The following ANGEL1 variants were observed in gnomAD, a reference collection of about 807,000 sequenced individuals.
The protein encoded by ANGEL1 is RNA 2',3'-cyclic phosphatase ANGEL1.
A neutral mutation model predicts 76.4 loss-of-function variants in ANGEL1; 62 were observed. That is an observed-to-expected ratio of 0.81 (90% CI 0.66 to 1.00). ANGEL1 has a LOEUF of 1.00. Among genes scored for constraint, ANGEL1 ranks in the 50% least tolerant of loss-of-function variants. The pLI is 0.00. For synonymous variants in ANGEL1, 340 were observed against 331.7 expected (o/e 1.03, Z -0.27); for missense variants, 737 against 836.7 (o/e 0.88, Z 1.47).
chr14:76,812,853 C>T lies in ANGEL1; in HGVS notation c.-26G>A. ...GGCCGGCCGCCCGCGCCCGCCTCCG[C>T]TCCTCACTGCAGCCAGCAGGTCCTC... is the stretch of plus-strand genomic sequence containing the variant. On this transcript the variant is annotated 5_prime_UTR_variant, in exon 1 of 10. Coordinates refer to ENST00000251089, the MANE Select transcript of ANGEL1 (RefSeq NM_015305.4). 1 of 1,498,462 alleles carries T rather than the reference C, an allele frequency of 6.7e-7. No homozygotes were observed. The highest frequency in any genetic ancestry group is 8.9e-7 in the Non-Finnish European group (1 of 1,126,998). The allele number at this position is 1,498,462 out of a possible 1,614,324, so 92.8% of individuals were successfully genotyped here.
In ANGEL1 at chr14:76,809,146, C is replaced by T. The variant is rs1895008915; in HGVS notation, c.562G>A (p.Glu188Lys). ...GAAGCCTCTTCCTGGGGCACAGGCT[C>T]AGGTGCTATGCTCCAGGCCAACACC... ...PAVLAWSIAP[E>K]PVPQEEASIW... The change falls in exon 2 of 10, where the codon GAG (glutamate) becomes AAG (lysine). Residue 188 changes from glutamate to lysine, a missense_variant. By Grantham distance (56) the Glu-to-Lys change is moderately conservative. This residue lies in a region of ANGEL1 where 441 missense variants were observed against 449.5 expected (regional missense o/e 0.98). Coordinates refer to ENST00000251089, the MANE Select transcript of ANGEL1 (RefSeq NM_015305.4). The T allele has an allele frequency of 6.2e-7, 1 of 1,614,174 alleles. No individual in the cohort carries two copies.
chr14:76,812,208 A>C, intron 1 of ANGEL1: 1 of 981,562 alleles, frequency 1.0e-6, no homozygotes, highest in South Asian at 4.7e-5. Context: ...CAAAGCTGAG[A>C]TCTAAATGTG....
chr14:76,809,225 A>G lies in ANGEL1; in HGVS notation c.483T>C (p.Cys161=), dbSNP rs775959067. Residue 161 remains cysteine (C), a synonymous_variant, in exon 2 of 10, where the codon TGT becomes TGC. Transcript: ENST00000251089. Reference sequence around the variant, plus strand: ...CCAGGGCACCCACTGGGAGGGCAGCACAGTCTGCATACTGGGGCTCCGACT... The same window carrying G: ...CCAGGGCACCCACTGGGAGGGCAGCGCAGTCTGCATACTGGGGCTCCGACT... ...PMQSEPQYAD[C]AALPVGALAT... 1 of 1,613,250 alleles carries G rather than the reference A, an allele frequency of 6.2e-7. No homozygotes were observed. Among genetic ancestry groups the G allele is most frequent in the South Asian group, 1.1e-5 (1 of 90,958 alleles).
Position 76,809,102 on chromosome 14 carries a change from G to A in ANGEL1, c.606C>T (p.Gly202=), listed in dbSNP as rs1481781789. 3.1e-6 allele frequency: 5 copies of A among 1,614,034 alleles called. No individual in the cohort carries two copies. Among genetic ancestry groups the A allele is most frequent in the East Asian group, 2.2e-5 (1 of 44,880 alleles). ...CTGCGGGAGGCTGCAACTGCCCCAG[G>A]CCCTCAAAGGGCCAGATGGAAGCCT... ...QEEASIWPFE[G]LGQLQPPAVE... The change falls in exon 2 of 10, where the codon GGC becomes GGT. Residue 202 remains glycine (G), a synonymous_variant. Transcript: ENST00000251089.
chr14:76,789,694 AT>A (rs1319022832), intron 9 of ANGEL1, among the ~76,000 whole-genome samples: 6,693 of 135,678 alleles, frequency 0.049, 221 homozygotes, highest in East Asian at 0.15. Flanking sequence ...ATAAAATCTG[AT>A]TTTTTTTTTT....
intron 3 of ANGEL1, 21 bp from the exon 4 acceptor site, chr14:76,807,523 C>A (rs934024851): frequency 6.2e-7 from 1 of 1,611,848 alleles, no homozygotes; most frequent in South Asian, 1.1e-5. Flanking sequence ...GACAAGAAAC[C>A]CAATCACTCC....
Position 76,787,598 on chromosome 14 carries a change from C to T in ANGEL1, c.*1630G>A, listed in dbSNP as rs1458722608. The T allele has an allele frequency of 6.6e-6, 1 of 152,632 alleles. No individual in the cohort carries two copies. The highest frequency in any genetic ancestry group is 2.4e-5 in the African/African-American group (1 of 41,460). 9.5% of individuals were successfully genotyped at this position (152,632 alleles called of 1,614,324 possible). ...ATATACACATAGAAAAATAAATTCC[C>T]TAGAACCTAGGCATGGAAAGCTTCT... On this transcript the variant is annotated 3_prime_UTR_variant, in exon 10 of 10. Transcript: ENST00000251089.
intron 7 of ANGEL1, among the ~76,000 whole-genome samples, chr14:76,800,025 C>A (rs1170233376): frequency 6.6e-6 from 1 of 151,966 alleles, no homozygotes; most frequent in Non-Finnish European, 1.5e-5. Flanking sequence ...GTATGTTTAC[C>A]CAAATCTAAT....
rs1566699851 is a variant in ANGEL1, at chr14:76,803,890, G to T, written c.1403C>A (p.Ser468Tyr). 1 of 1,614,232 alleles carries T rather than the reference G, an allele frequency of 6.2e-7. No homozygotes were observed. Among genetic ancestry groups the T allele is most frequent in the Non-Finnish European group, 8.5e-7 (1 of 1,180,042 alleles). Residue 468 changes from serine to tyrosine, a missense_variant, in exon 6 of 10, where the codon TCC (serine) becomes TAC (tyrosine). By Grantham distance (144) the Ser-to-Tyr change is moderately radical (BLOSUM62 -2). This residue lies in a region of ANGEL1 where 296 missense variants were observed against 387.2 expected (regional missense o/e 0.76). Transcript: ENST00000251089. ...CAGCTTCCTCTGGTAAAGCTGATGG[G>T]AGAAGTCTTCCTGTCCAGATACCTG... The part of the protein sequence containing the change: ...AWKVSGQEDF[S>Y]HQLYQRKLQA...
intron 8 of ANGEL1, 122 bp from the exon 9 acceptor site, chr14:76,790,896 C>G: frequency 7.5e-7 from 1 of 1,331,876 alleles, no homozygotes; most frequent in African/African-American, 1.5e-5. Context: ...CAATCTCAGC[C>G]AATTCCTCCC....
At chr14:76,793,348 AAGAGG>A (rs1355888100) in intron 7 of ANGEL1, among the ~76,000 whole-genome samples, 1 of 73,740 alleles carries the variant, frequency 1.4e-5, no homozygotes, top group African/African-American at 5.2e-5. Flanking sequence ...GGAGACGGGA[AAGAGG>A]AGAGGAGAAA....
intron 2 of ANGEL1, 93 bp from the exon 3 acceptor site, chr14:76,808,241 A>C: frequency 9.0e-7 from 1 of 1,105,554 alleles, no homozygotes; most frequent in Non-Finnish European, 1.3e-6. Context: ...TTATGCCTGA[A>C]GTTCCTTTTT....
intron 7 of ANGEL1, among the ~76,000 whole-genome samples, chr14:76,795,617 C>T (rs1894554178): frequency 6.6e-6 from 1 of 152,208 alleles, no homozygotes; most frequent in Non-Finnish European, 1.5e-5. Flanking sequence ...CCCTATCAAT[C>T]TGAGCCTGGT....
intron 1 of ANGEL1, chr14:76,812,371 T>G: frequency 9.6e-7 from 1 of 1,045,928 alleles, no homozygotes. Flanking sequence ...CCTCGCCCGC[T>G]GAGAATTTGG....
At chr14:76,811,162 C>T (rs1321307389) in intron 1 of ANGEL1, among the ~76,000 whole-genome samples, 1 of 152,166 alleles carries the variant, frequency 6.6e-6, no homozygotes, top group Non-Finnish European at 1.5e-5. Context: ...AGGACAGAGA[C>T]GCTGCTGAAC....
intron 7 of ANGEL1, among the ~76,000 whole-genome samples, chr14:76,795,023 T>C (rs1006277807): frequency 1.3e-5 from 2 of 152,206 alleles, no homozygotes; most frequent in African/African-American, 4.8e-5. Context: ...GGCTGGTATC[T>C]CCAAACACAG....
rs1262441668 is a variant in ANGEL1, at chr14:76,812,367, C to T, written c.64+397G>A. On this transcript the variant is annotated intron_variant, in intron 1 of 9. Coordinates refer to ENST00000251089, the MANE Select transcript of ANGEL1 (RefSeq NM_015305.4). ...ACCTCCCAGAGCCGACCCGCCTCGC[C>T]CGCTGAGAATTTGGGCACTCGCCTA... The T allele has an allele frequency of 5.7e-6, 6 of 1,044,086 alleles. No homozygotes were observed. The African/African-American group carries it at 8.4e-5, about 15-fold the overall frequency. The allele number at this position is 1,044,086 out of a possible 1,614,324, so 64.7% of individuals were successfully genotyped here. A position where few individuals can be genotyped will look rare whatever the true frequency, so the allele number is the denominator to read the frequency against.
rs1451068109 is a variant in ANGEL1, at chr14:76,807,430, T to C, written c.946+3A>G. The C allele has an allele frequency of 6.2e-7, 1 of 1,611,118 alleles. No individual in the cohort carries two copies. The highest frequency in any genetic ancestry group is 1.7e-5 in the Admixed American group (1 of 59,732). On this transcript the variant is annotated splice_donor_region_variant and intron_variant, in intron 4 of 9. Coordinates refer to ENST00000251089, the MANE Select transcript of ANGEL1 (RefSeq NM_015305.4). ...TGGCAAGCATCCCAGGGAGCTGCAT[T>C]ACCCATCATTCGCAGAGAGGGTTCC...
chr14:76,794,628 G>A (rs1894521146), intron 7 of ANGEL1, among the ~76,000 whole-genome samples: 2 of 149,794 alleles, frequency 1.3e-5, no homozygotes, highest in South Asian at 4.2e-4. Flanking sequence ...CCGAGATCAT[G>A]CCACTGCACT....
Sources: allele counts gnomAD v4.1 joint callset (sites outside exome capture counted in the v4.1 genomes callset), GRCh38; gene constraint gnomAD v4.1.1; regional missense constraint gnomAD v4.1.1; transcripts MANE v1.5; gene names NCBI Gene and HGNC (gene_info 2026-07-23, HGNC 2026-07-21).